RABGAP1L: variants seen among roughly 807,000 people sequenced by gnomAD.
RABGAP1L encodes rab GTPase-activating protein 1-like.
RABGAP1L carries 63 observed loss-of-function variants against 137.7 expected under a neutral mutation model. The ratio of observed to expected loss-of-function variants is 0.46; its 90% CI spans 0.37 to 0.56. The LOEUF (loss-of-function observed/expected upper bound fraction) is 0.56, where lower values mean the gene tolerates loss of function less well. Among genes scored for constraint, RABGAP1L ranks in the 20% least tolerant of loss-of-function variants. The pLI is 0.00. For synonymous variants in RABGAP1L, 431 were observed against 433.7 expected, an observed-to-expected ratio of 0.99 and a Z score of 0.08; for missense variants, 1,095 against 1,244.0, an observed-to-expected ratio of 0.88 and a Z score of 1.80.
rs78346333 is a variant in RABGAP1L, at chr1:174,462,090, T to C, written c.1710+67945T>C. Among the ~76,000 whole-genome samples, 50 of 152,270 alleles carry C rather than the reference T, an allele frequency of 3.3e-4. 1 individual carries two copies. The East Asian group carries it at 8.1e-3, about 25-fold the overall frequency. The stretch of plus-strand genomic sequence containing the variant: ...TTGGTCTTGAACCATTCTTGTAAAA[T>C]ATGGTTTTGAAGCTCATCACCAACT... On this transcript the variant is annotated intron_variant, in intron 13 of 25. Coordinates refer to ENST00000681986, the MANE Select transcript of RABGAP1L (RefSeq NM_001366446.1).
rs183280001 is a variant in RABGAP1L, at chr1:174,626,650, A to G, written c.1711-10725A>G. 5.9e-5 allele frequency among the ~76,000 whole-genome samples: 9 copies of G among 152,178 alleles called. No individual in the cohort carries two copies. The East Asian group carries it at 1.4e-3, about 23-fold the overall frequency. ...TTTTCCTTTGCTTCTGTATTTCCAC[A>G]CTTAAGACTCCCCCCACCCCATATT... On this transcript the variant is annotated intron_variant, in intron 13 of 25. Transcript: ENST00000681986.
intron 13 of RABGAP1L, among the ~76,000 whole-genome samples, chr1:174,520,799 G>A (rs1167660210): frequency 1.3e-5 from 2 of 152,012 alleles, no homozygotes; most frequent in Non-Finnish European, 2.9e-5. Flanking sequence ...TCAGGAGATT[G>A]AGACCAGGCT....
chr1:174,629,171 T>C (rs1372903346), intron 13 of RABGAP1L, among the ~76,000 whole-genome samples: 1 of 152,180 alleles, frequency 6.6e-6, no homozygotes, highest in Non-Finnish European at 1.5e-5. Context: ...GTGAGTGAAT[T>C]TGGATGATTA....
At chr1:174,696,068 A>G (rs1156634651) in intron 15 of RABGAP1L, among the ~76,000 whole-genome samples, 1 of 152,140 alleles carries the variant, frequency 6.6e-6, no homozygotes, top group Admixed American at 6.6e-5. Context: ...TCACACCTGA[A>G]GCCAGCATGG....
chr1:174,190,113 G>A (rs1483918425), intron 1 of RABGAP1L, among the ~76,000 whole-genome samples: 2 of 151,996 alleles, frequency 1.3e-5, no homozygotes, highest in African/African-American at 4.8e-5. Flanking sequence ...GACCATCCTG[G>A]CCAACATGGT....
chr1:174,240,799 A>T (rs936230283), intron 4 of RABGAP1L, among the ~76,000 whole-genome samples: 18 of 152,220 alleles, frequency 1.2e-4, no homozygotes, highest in Admixed American at 2.6e-4. Context: ...TAATTGAAAA[A>T]GACTAGATTT....
At chr1:174,754,409 G>C (rs566225977) in intron 18 of RABGAP1L, among the ~76,000 whole-genome samples, 1 of 152,232 alleles carries the variant, frequency 6.6e-6, no homozygotes, top group African/African-American at 2.4e-5. Context: ...TAGTATACCA[G>C]ATAAAATAAT....
At chr1:174,319,849 G>T (rs1283587991) in intron 11 of RABGAP1L, among the ~76,000 whole-genome samples, 1 of 152,050 alleles carries the variant, frequency 6.6e-6, no homozygotes, top group Non-Finnish European at 1.5e-5. Flanking sequence ...ATTGATTTTT[G>T]AATGTTCCTC....
chr1:174,666,974 C>G (rs1229094093), intron 14 of RABGAP1L, among the ~76,000 whole-genome samples: 1 of 114,990 alleles, frequency 8.7e-6, no homozygotes, highest in East Asian at 2.5e-4. Context: ...CAATGGATAA[C>G]AGTTACAAGG....
intron 11 of RABGAP1L, among the ~76,000 whole-genome samples, chr1:174,318,580 T>TTTTTTC (rs533199280): frequency 8.5e-6 from 1 of 117,550 alleles, no homozygotes; most frequent in Non-Finnish European, 1.8e-5. Context: ...TTGGTGATTG[T>TTTTTTC]TTTCTTTCTT....
intron 13 of RABGAP1L, among the ~76,000 whole-genome samples, chr1:174,570,721 A>T (rs997155216): frequency 6.6e-6 from 1 of 152,184 alleles, no homozygotes; most frequent in Non-Finnish European, 1.5e-5. Flanking sequence ...CTATAGTGAG[A>T]TATCATCTCA....
Position 174,830,375 on chromosome 1 carries a change from G to A in RABGAP1L, c.2340+18415G>A, listed in dbSNP as rs189284235. 1.6e-4 allele frequency among the ~76,000 whole-genome samples: 23 copies of A among 147,074 alleles called. 4 individuals carry two copies. The East Asian group carries it at 3.4e-3, about 22-fold the overall frequency. ...CATTCAATAAAATTTGCTTTTACTC[G>A]TTAATACTTTTTGTTTAATTTAATC... On this transcript the variant is annotated intron_variant, in intron 19 of 25. Transcript: ENST00000681986.
chr1:174,629,680 G>A (rs1162050397), intron 13 of RABGAP1L, among the ~76,000 whole-genome samples: 1 of 152,060 alleles, frequency 6.6e-6, no homozygotes, highest in African/African-American at 2.4e-5. Flanking sequence ...GTGCTACCAT[G>A]CCGGGCTAAT....
intron 13 of RABGAP1L, among the ~76,000 whole-genome samples, chr1:174,546,162 C>T (rs1665993992): frequency 6.6e-6 from 1 of 152,114 alleles, no homozygotes; most frequent in African/African-American, 2.4e-5. Context: ...CTTTAAGCTG[C>T]TCTAAAGTTG....
At chr1:174,627,052 C>T (rs1012408787) in intron 13 of RABGAP1L, among the ~76,000 whole-genome samples, 5 of 151,980 alleles carry the variant, frequency 3.3e-5, no homozygotes, top group Admixed American at 6.6e-5. Flanking sequence ...CAGATTGGTA[C>T]GGTATAATAC....
intron 21 of RABGAP1L, 99 bp from the exon 22 acceptor site, chr1:174,975,979 G>A: frequency 9.1e-7 from 1 of 1,094,400 alleles, no homozygotes; most frequent in Non-Finnish European, 1.3e-6. Flanking sequence ...AATAATTTTG[G>A]AACAGCAACT....
Position 174,757,071 on chromosome 1 carries a change from C to T in RABGAP1L, c.2211+4717C>T, listed in dbSNP as rs553433536. On this transcript the variant is annotated intron_variant, in intron 18 of 25. Transcript: ENST00000681986. ...CCGGCCAGGCTCCCTACTGGCTTTT[C>T]CCCCACGGACTCTGCCACAAAGTCT... 1.9e-5 allele frequency: 10 copies of T among 519,602 alleles called. No individual in the cohort carries two copies. In the East Asian group the frequency reaches 3.3e-4, roughly 17 times the overall value. The allele number at this position is 519,602 out of a possible 1,614,324, so 32.2% of individuals were successfully genotyped here.
chr1:174,548,187 C>T, intron 13 of RABGAP1L: 1 of 1,446,568 alleles, frequency 6.9e-7, no homozygotes, highest in Non-Finnish European at 9.1e-7. Flanking sequence ...TGTGCATAAT[C>T]TCTCAGGGTG....
intron 13 of RABGAP1L, among the ~76,000 whole-genome samples, chr1:174,566,176 A>G (rs1393294413): frequency 2.0e-5 from 3 of 152,106 alleles, no homozygotes; most frequent in Non-Finnish European, 2.9e-5. Flanking sequence ...TGTATCACCA[A>G]TAGAAGTTAA....
Sources: allele counts gnomAD v4.1 joint callset (sites outside exome capture counted in the v4.1 genomes callset), GRCh38; gene constraint gnomAD v4.1.1; transcripts MANE v1.5; gene names NCBI Gene and HGNC (gene_info 2026-07-23, HGNC 2026-07-21).